The following REDIC1 variants were observed in gnomAD, a reference collection of about 807,000 sequenced individuals.
REDIC1 encodes HEI10 Interacting Protein 1.
chr12:39,717,185 G>A, the REDIC1 span, among the ~76,000 whole-genome samples: 19 of 146,216 alleles, frequency 1.3e-4, no homozygotes, highest in Non-Finnish European at 2.8e-4. Flanking sequence ...CATTATGTGT[G>A]TACAGTTTGT....
the REDIC1 span, among the ~76,000 whole-genome samples, chr12:39,680,188 C>T: frequency 3.1e-3 from 474 of 152,154 alleles, 6 homozygotes; most frequent in African/African-American, 0.011. Context: ...GCAAAGTAAA[C>T]AGACAACCCA....
the REDIC1 span, among the ~76,000 whole-genome samples, chr12:39,892,442 T>C: frequency 1.8e-4 from 28 of 152,254 alleles, no homozygotes; most frequent in African/African-American, 6.5e-4. Flanking sequence ...GGATGAGTGA[T>C]AGACTGCTTA....
the REDIC1 span, among the ~76,000 whole-genome samples, chr12:39,675,897 G>A: frequency 6.6e-6 from 1 of 152,174 alleles, no homozygotes; most frequent in Non-Finnish European, 1.5e-5. Context: ...TAGGGGAACA[G>A]GGAGAGCACC....
the REDIC1 span, chr12:39,864,943 G>C: frequency 6.8e-7 from 1 of 1,469,250 alleles, no homozygotes; most frequent in Admixed American, 2.2e-5. Context: ...AGGCAGACTG[G>C]GTTTGGTAAA....
the REDIC1 span, chr12:39,757,771 C>G: frequency 6.6e-6 from 1 of 152,046 alleles, no homozygotes; most frequent in African/African-American, 2.4e-5. Flanking sequence ...CCATGTTCTG[C>G]TTTAGGAAAT....
the REDIC1 span, among the ~76,000 whole-genome samples, chr12:39,841,702 TATA>T: frequency 6.6e-5 from 10 of 152,124 alleles, no homozygotes; most frequent in South Asian, 2.1e-4. Flanking sequence ...CACATACAAA[TATA>T]ATCTAATTAG....
chr12:39,668,958 A>AT, the REDIC1 span, among the ~76,000 whole-genome samples: 120,132 of 151,568 alleles, frequency 0.79, 48,335 homozygotes, highest in Non-Finnish European at 0.87. Context: ...CATTCGTCTA[A>AT]TTTTTTTCAA....
the REDIC1 span, among the ~76,000 whole-genome samples, chr12:39,808,537 G>T: frequency 6.6e-6 from 1 of 152,132 alleles, no homozygotes; most frequent in Non-Finnish European, 1.5e-5. Flanking sequence ...TTTCTGAAGT[G>T]TTTGTACCAA....
At chr12:39,682,912 A>T in the REDIC1 span, 1 of 1,613,092 alleles carries the variant, frequency 6.2e-7, no homozygotes, top group Non-Finnish European at 8.5e-7. Context: ...TATGGGAGAT[A>T]CTTGTGTAGT....
chr12:39,842,599 A>C, the REDIC1 span, among the ~76,000 whole-genome samples: 1 of 152,028 alleles, frequency 6.6e-6, no homozygotes, highest in African/African-American at 2.4e-5. Flanking sequence ...CACTCACTAT[A>C]GCACATATTT....
the REDIC1 span, among the ~76,000 whole-genome samples, chr12:39,639,464 A>G: frequency 6.6e-6 from 1 of 152,016 alleles, no homozygotes; most frequent in Non-Finnish European, 1.5e-5. Context: ...AGTCAGGGGT[A>G]TTCAGTAATT....
the REDIC1 span, among the ~76,000 whole-genome samples, chr12:39,712,856 T>TGTATATACAC: frequency 1.1e-3 from 150 of 141,056 alleles, no homozygotes; most frequent in African/African-American, 3.5e-3. Context: ...TATACACATA[T>TGTATATACAC]GTATATACAC....
At chr12:39,704,123 A>G in the REDIC1 span, among the ~76,000 whole-genome samples, 1 of 152,042 alleles carries the variant, frequency 6.6e-6, no homozygotes, top group Non-Finnish European at 1.5e-5. Flanking sequence ...AACTACCATC[A>G]GAGTGAACAG....
the REDIC1 span, chr12:39,691,972 G>C: frequency 8.0e-7 from 1 of 1,250,348 alleles, no homozygotes; most frequent in South Asian, 1.6e-5. Flanking sequence ...AAATGAATTG[G>C]TAGTGTAAAT....
chr12:39,873,054 TTCTG>T, the REDIC1 span, among the ~76,000 whole-genome samples: 1 of 152,234 alleles, frequency 6.6e-6, no homozygotes, highest in Non-Finnish European at 1.5e-5. Flanking sequence ...CATCAATGGC[TTCTG>T]TCTACTATTT....
the REDIC1 span, among the ~76,000 whole-genome samples, chr12:39,686,878 T>C: frequency 6.6e-6 from 1 of 152,252 alleles, no homozygotes; most frequent in Non-Finnish European, 1.5e-5. Context: ...GCTTTGCTGC[T>C]TAGAAATTTC....
the REDIC1 span, among the ~76,000 whole-genome samples, chr12:39,878,289 T>C: frequency 4.6e-5 from 7 of 152,152 alleles, no homozygotes; most frequent in African/African-American, 1.7e-4. Flanking sequence ...CACTGTGTAA[T>C]GGGCAGAGGT....
chr12:39,721,543 CAATGATGCG>C, the REDIC1 span: 1 of 238,730 alleles, frequency 4.2e-6, no homozygotes, highest in Non-Finnish European at 8.0e-6. Context: ...CAGTATATTA[CAATGATGCG>C]CTGTTATTTA....
At chr12:39,786,197 T>C in the REDIC1 span, among the ~76,000 whole-genome samples, 1 of 152,128 alleles carries the variant, frequency 6.6e-6, no homozygotes, top group Non-Finnish European at 1.5e-5. Context: ...TTCCCATGTA[T>C]TGTGGGAGGT....
Sources: allele counts gnomAD v4.1 joint callset (sites outside exome capture counted in the v4.1 genomes callset), GRCh38; gene constraint gnomAD v4.1.1; transcripts MANE v1.5; gene names NCBI Gene and HGNC (gene_info 2026-07-23, HGNC 2026-07-21).